TMPRSS15: variants seen among roughly 807,000 people sequenced by gnomAD.
The protein encoded by TMPRSS15 is enteropeptidase.
A neutral mutation model predicts 125.3 loss-of-function variants in TMPRSS15; 128 were observed. The ratio of observed to expected loss-of-function variants is 1.02; its 90% CI spans 0.89 to 1.18. The LOEUF is 1.18. TMPRSS15 is among the 50% of genes most tolerant of loss of function. TMPRSS15 has a pLI of 0.00. For missense variants in TMPRSS15, 1,283 were observed against 1,212.7 expected (o/e 1.06, Z -0.86); for synonymous variants, 446 against 423.2 (o/e 1.05, Z -0.66).
Position 18,312,975 on chromosome 21 carries a change from G to T in TMPRSS15, c.2135C>A (p.Ser712Ter). Residue 712 changes from serine (S) to a stop codon, truncating the protein, a stop_gained, in exon 18 of 25, where the codon TCA becomes TAA. Transcript: ENST00000284885. LOFTEE classifies it high-confidence loss of function. The stretch of plus-strand genomic sequence containing the variant: ...TCCCAGCAGTTGACAAACATCATTT[G>T]AAATCTGGGTGGTCCAGTTCTCAGC... ...ACAENWTTQI[S>*]NDVCQLLGLG... 4.3e-6 allele frequency: 7 copies of T among 1,613,954 alleles called. No individual in the cohort carries two copies. Among genetic ancestry groups the T allele is most frequent in the Non-Finnish European group, 5.9e-6 (7 of 1,179,884 alleles).
intron 1 of TMPRSS15, among the ~76,000 whole-genome samples, chr21:18,430,792 C>G (rs1284465745): frequency 6.6e-6 from 1 of 152,144 alleles, no homozygotes; most frequent in Non-Finnish European, 1.5e-5. Context: ...ATATTCCCTT[C>G]TTGCAGCAGT....
Position 18,480,996 on chromosome 21 carries a change from CT to C in TMPRSS15, c.10+4802del, listed in dbSNP as rs1978970416. Reference sequence around the variant, plus strand: ...GTCATTGATAACTCCACTAATCGAACTCAAACAAGTCTGAAATACTGTGGTC... The same window carrying C: ...GTCATTGATAACTCCACTAATCGAACCAAACAAGTCTGAAATACTGTGGTC... On this transcript the variant is annotated intron_variant, in intron 1 of 7. Transcript: ENST00000422787. Among the ~76,000 whole-genome samples the C allele has an allele frequency of 3.3e-5, 5 of 151,904 alleles. 1 individual carries two copies. The highest frequency in any genetic ancestry group is 3.3e-4 in the Admixed American group (5 of 15,196).
At chr21:18,387,061 A>C (rs2075950401) in intron 3 of TMPRSS15, among the ~76,000 whole-genome samples, 1 of 152,164 alleles carries the variant, frequency 6.6e-6, no homozygotes, top group South Asian at 2.1e-4. Flanking sequence ...TATCCACATA[A>C]AGTTGTAGCC....
At chr21:18,405,058 A>C (rs1034317), upstream of TMPRSS15, among the ~76,000 whole-genome samples, 201 of 152,194 alleles carry the variant, frequency 1.3e-3, 2 homozygotes, top group Admixed American at 0.011. Flanking sequence ...TGAATTTGGA[A>C]AGCCAAAGTG....
intron 16 of TMPRSS15, among the ~76,000 whole-genome samples, chr21:18,319,422 ATTTTTT>A (rs35796863): frequency 2.8e-5 from 3 of 105,306 alleles, no homozygotes; most frequent in East Asian, 2.9e-4. Context: ...TTCTTCACCG[ATTTTTT>A]TTTTTTTTTT....
intron 7 of TMPRSS15, among the ~76,000 whole-genome samples, chr21:18,363,952 C>T (rs1455445996): frequency 1.3e-5 from 2 of 152,008 alleles, no homozygotes; most frequent in African/African-American, 4.8e-5. Context: ...CAAGGGGCTG[C>T]ACTCCAAATC....
At chr21:18,459,519 C>A (rs773513135) in intron 1 of TMPRSS15, among the ~76,000 whole-genome samples, 3 of 152,152 alleles carry the variant, frequency 2.0e-5, no homozygotes, top group Non-Finnish European at 4.4e-5. Context: ...AGTGATCCAC[C>A]TGCCTCATCC....
chr21:18,316,792 G>T (rs775009672), intron 16 of TMPRSS15, among the ~76,000 whole-genome samples: 6 of 152,096 alleles, frequency 3.9e-5, no homozygotes, highest in Non-Finnish European at 8.8e-5. Flanking sequence ...TTCTGGGAGA[G>T]CCCTCATATC....
chr21:18,308,886 T>C (rs4401286), intron 18 of TMPRSS15, among the ~76,000 whole-genome samples: 59,617 of 151,978 alleles, frequency 0.39, 12,896 homozygotes, highest in East Asian at 0.56. Context: ...ATGATGGTTT[T>C]CCAGCTTCAT....
intron 1 of TMPRSS15, among the ~76,000 whole-genome samples, chr21:18,455,582 A>G (rs1198019738): frequency 6.6e-6 from 1 of 152,160 alleles, no homozygotes; most frequent in Non-Finnish European, 1.5e-5. Flanking sequence ...TATTTATCAA[A>G]TTTTACTTTT....
chr21:18,276,758 T>C (rs1292456204), intron 23 of TMPRSS15, among the ~76,000 whole-genome samples: 1 of 81,644 alleles, frequency 1.2e-5, no homozygotes, highest in African/African-American at 1.2e-4. Flanking sequence ...TGGGATTCTT[T>C]TTTTTTTTTT....
intron 1 of TMPRSS15, among the ~76,000 whole-genome samples, chr21:18,409,594 C>T (rs1207649583): frequency 6.6e-6 from 1 of 151,994 alleles, no homozygotes; most frequent in Non-Finnish European, 1.5e-5. Context: ...TCTGCCATCC[C>T]TAATTTACAA....
In TMPRSS15 at chr21:18,294,320, T is replaced by C; in HGVS notation, c.2436A>G (p.Ala812=). The change falls in exon 21 of 25, where the codon GCA becomes GCG. Residue 812 remains alanine (A), a synonymous_variant. Coordinates refer to ENST00000284885, the MANE Select transcript of TMPRSS15 (RefSeq NM_002772.3). ...LYYGGRLLCG[A]SLVSSDWLVS... ...CCAGCCAGTCACTGCTGACGAGAGA[T>C]GCGCCGCAGAGCAGTCGGCCGCCAT... 6.2e-7 allele frequency: 1 copy of C among 1,614,198 alleles called. No homozygotes were observed. Among genetic ancestry groups the C allele is most frequent in the Non-Finnish European group, 8.5e-7 (1 of 1,180,036 alleles).
chr21:18,450,369 T>C (rs111695108), intron 1 of TMPRSS15, among the ~76,000 whole-genome samples: 3,905 of 152,256 alleles, frequency 0.026, 70 homozygotes, highest in South Asian at 0.056. Context: ...GGCTCCTCCC[T>C]GTGATTCAGT....
chr21:18,308,591 ACT>A (rs1359412372), intron 18 of TMPRSS15, among the ~76,000 whole-genome samples: 1 of 108,148 alleles, frequency 9.2e-6, no homozygotes, highest in East Asian at 2.3e-4. Flanking sequence ...AAAACTATAC[ACT>A]GAGACTTTTT....
intron 7 of TMPRSS15, among the ~76,000 whole-genome samples, chr21:18,363,885 T>C (rs2075701083): frequency 6.6e-6 from 1 of 152,160 alleles, no homozygotes; most frequent in African/African-American, 2.4e-5. Flanking sequence ...ACCAATAGCA[T>C]GTTATCTAGA....
chr21:18,301,435 G>A (rs28691719), intron 18 of TMPRSS15, among the ~76,000 whole-genome samples: 1 of 152,168 alleles, frequency 6.6e-6, no homozygotes, highest in Non-Finnish European at 1.5e-5. Flanking sequence ...ATTACCCTAT[G>A]TGAAGTCACC....
At chr21:18,271,600 C>CTTT (rs915001348) in intron 24 of TMPRSS15, among the ~76,000 whole-genome samples, 2 of 148,752 alleles carry the variant, frequency 1.3e-5, no homozygotes, top group African/African-American at 4.9e-5. Context: ...CTTTTCTTTT[C>CTTT]TTTTTTTTTT....
intron 6 of TMPRSS15, among the ~76,000 whole-genome samples, chr21:18,371,149 CTA>C (rs2075788169): frequency 1.3e-5 from 2 of 152,220 alleles, no homozygotes; most frequent in South Asian, 2.1e-4. Flanking sequence ...CCTATATCTA[CTA>C]TGTTTTTTCC....
Sources: allele counts gnomAD v4.1 joint callset (sites outside exome capture counted in the v4.1 genomes callset), GRCh38; gene constraint gnomAD v4.1.1; transcripts MANE v1.5; gene names NCBI Gene and HGNC (gene_info 2026-07-23, HGNC 2026-07-21).